RPRD1A: variants seen among roughly 807,000 people sequenced by gnomAD.
RPRD1A encodes the protein regulation of nuclear pre-mRNA domain containing 1A, also known as regulation of nuclear pre-mRNA domain-containing protein 1A.
RPRD1A carries 9 observed loss-of-function variants against 37.8 expected under a neutral mutation model. The ratio of observed to expected loss-of-function variants is 0.24; its 90% confidence interval spans 0.14 to 0.42. The LOEUF (loss-of-function observed/expected upper bound fraction) is 0.42, where lower values mean the gene tolerates loss of function less well. Ranked by LOEUF, RPRD1A falls within the 10% of genes least tolerant of loss-of-function variation. The pLI is 1.00. For missense variants in RPRD1A, 255 were observed against 371.0 expected, an observed-to-expected ratio of 0.69 and a Z score of 2.57; for synonymous variants, 138 against 139.7, an observed-to-expected ratio of 0.99 and a Z score of 0.08.
chr18:36,010,601 AAAATCT>A (rs1469924060), intron 6 of RPRD1A, among the ~76,000 whole-genome samples: 8 of 152,214 alleles, frequency 5.3e-5, no homozygotes, highest in African/African-American at 1.9e-4. Context: ...AAAGAGAGTG[AAAATCT>A]AAATCAGGCA....
chr18:36,060,135 G>T (rs924222183), intron 1 of RPRD1A, among the ~76,000 whole-genome samples: 20 of 152,246 alleles, frequency 1.3e-4, no homozygotes, highest in Non-Finnish European at 5.9e-5. Context: ...TAAAGCAAAT[G>T]AAAAATGTTC....
At chr18:36,045,740 G>T (rs1912909074) in intron 1 of RPRD1A, among the ~76,000 whole-genome samples, 1 of 152,212 alleles carries the variant, frequency 6.6e-6, no homozygotes, top group African/African-American at 2.4e-5. Context: ...GTCTCCTAAT[G>T]TGATGCAACA....
chr18:36,037,691 G>C (rs1489448909), intron 1 of RPRD1A, among the ~76,000 whole-genome samples: 1 of 152,202 alleles, frequency 6.6e-6, no homozygotes, highest in African/African-American at 2.4e-5. Context: ...GGGAAAGTTT[G>C]GAACTCCCTA....
chr18:36,000,764 A>G (rs1292929529), intron 6 of RPRD1A, among the ~76,000 whole-genome samples: 4 of 152,310 alleles, frequency 2.6e-5, no homozygotes, highest in Non-Finnish European at 2.9e-5. Flanking sequence ...ACCACATTTA[A>G]CCATTAAGAA....
At chr18:35,999,515 CCT>C (rs1175079069) in intron 6 of RPRD1A, among the ~76,000 whole-genome samples, 2 of 151,984 alleles carry the variant, frequency 1.3e-5, no homozygotes, top group Non-Finnish European at 2.9e-5. Flanking sequence ...TAGGGCTGAC[CCT>C]GTTATGTTCT....
chr18:35,997,854 A>C (rs1383247167), intron 6 of RPRD1A, among the ~76,000 whole-genome samples: 2 of 152,206 alleles, frequency 1.3e-5, no homozygotes, highest in Non-Finnish European at 2.9e-5. Flanking sequence ...AATTTTCCTC[A>C]TACCACCTCT....
intron 1 of RPRD1A, among the ~76,000 whole-genome samples, chr18:36,048,577 A>C (rs1913131790): frequency 6.6e-6 from 1 of 152,012 alleles, no homozygotes; most frequent in Admixed American, 6.6e-5. Flanking sequence ...AAATTCAACA[A>C]TCATTCATGA....
intron 6 of RPRD1A, among the ~76,000 whole-genome samples, chr18:36,017,226 G>A (rs1910650347): frequency 6.6e-6 from 1 of 152,076 alleles, no homozygotes; most frequent in Non-Finnish European, 1.5e-5. Flanking sequence ...CCTGAGCCCT[G>A]GGAGGTCGAG....
chr18:36,030,726 C>A (rs1008041454), intron 4 of RPRD1A, 82 bp downstream of exon 4: 4 of 792,860 alleles, frequency 5.0e-6, no homozygotes, highest in Non-Finnish European at 8.3e-6. Context: ...AATCAATTTA[C>A]AGAAGTGAAA....
intron 6 of RPRD1A, among the ~76,000 whole-genome samples, chr18:36,006,684 C>A (rs1371943238): frequency 6.6e-6 from 1 of 152,186 alleles, no homozygotes; most frequent in Non-Finnish European, 1.5e-5. Flanking sequence ...CATCCCCCAG[C>A]CCAATTATGA....
rs904901890 is a variant in RPRD1A at position 35,993,405 on chromosome 18, T to C, written c.790-105A>G. 11 of 1,104,050 alleles carry C rather than the reference T, an allele frequency of 1.0e-5. No individual in the cohort carries two copies. The East Asian group carries it at 2.9e-4, about 30-fold the overall frequency. The allele number at this position is 1,104,050 out of a possible 1,614,324, so 68.4% of individuals were successfully genotyped here. A position where few individuals can be genotyped will look rare whatever the true frequency, so the allele number is the denominator to read the frequency against. On this transcript the variant is annotated intron_variant, in intron 6 of 6. Transcript: ENST00000399022. ...TACTATATATACTCAGTTAATGCCATATTTAAAAAGGTTATTCCAGTGTGA... is the reference window on the plus strand; with the variant it reads ...TACTATATATACTCAGTTAATGCCACATTTAAAAAGGTTATTCCAGTGTGA...
chr18:36,064,914 G>A (rs2088996034), intron 1 of RPRD1A, among the ~76,000 whole-genome samples: 1 of 150,106 alleles, frequency 6.7e-6, no homozygotes. Context: ...AATCCACCGA[G>A]AGGGACCAAC....
At chr18:36,024,268 T>G (rs1433078558) in intron 6 of RPRD1A, among the ~76,000 whole-genome samples, 1 of 151,566 alleles carries the variant, frequency 6.6e-6, no homozygotes, top group African/African-American at 2.4e-5. Context: ...TGCCTCAGCC[T>G]CCCAAGTAGC....
In RPRD1A at chr18:36,047,481, A is replaced by G. The variant is rs1025990402; in HGVS notation, c.152-13644T>C. On this transcript the variant is annotated intron_variant, in intron 1 of 6. Coordinates refer to ENST00000399022, the MANE Select transcript of RPRD1A (RefSeq NM_018170.5). ...AAAGGAATGAAATAATAAAGGTTAG[A>G]GCAGAGACCAATGAAAACAAAAACA... 3.3e-4 allele frequency among the ~76,000 whole-genome samples: 50 copies of G among 152,086 alleles called. 1 individual carries two copies. The highest frequency in any genetic ancestry group is 2.9e-5 in the Non-Finnish European group (2 of 68,014).
chr18:36,019,227 T>C (rs1223853283), intron 6 of RPRD1A, among the ~76,000 whole-genome samples: 1 of 151,158 alleles, frequency 6.6e-6, no homozygotes, highest in Non-Finnish European at 1.5e-5. Flanking sequence ...CCTGCCTCAG[T>C]CTCCCGAGCA....
chr18:36,050,287 G>C lies in RPRD1A; in HGVS notation c.152-16450C>G, dbSNP rs577748603. Among the ~76,000 whole-genome samples the C allele has an allele frequency of 4.0e-5, 6 of 151,696 alleles. No individual in the cohort carries two copies. In the South Asian group the frequency reaches 1.3e-3, roughly 32 times the overall value. ...GGGTCTCACTCTGTCACCCAGGCGGGAGTGCAGTGGCACAGTCATGGCTCA... is the reference window on the plus strand; with the variant it reads ...GGGTCTCACTCTGTCACCCAGGCGGCAGTGCAGTGGCACAGTCATGGCTCA... On this transcript the variant is annotated intron_variant, in intron 1 of 6. Transcript: ENST00000399022.
intron 1 of RPRD1A, among the ~76,000 whole-genome samples, chr18:36,065,079 C>T (rs2089001002): frequency 6.6e-6 from 1 of 152,112 alleles, no homozygotes; most frequent in Non-Finnish European, 1.5e-5. Flanking sequence ...AATGAACAAA[C>T]TCCGGACACA....
chr18:36,025,507 C>A, intron 6 of RPRD1A: 1 of 571,488 alleles, frequency 1.7e-6, no homozygotes, highest in Non-Finnish European at 2.7e-6. Flanking sequence ...TAAACAGTGA[C>A]AAATGACCAT....
At chr18:36,048,581 T>C (rs558106488) in intron 1 of RPRD1A, among the ~76,000 whole-genome samples, 2 of 151,478 alleles carry the variant, frequency 1.3e-5, no homozygotes, top group African/African-American at 4.8e-5. Flanking sequence ...TCAACAATCA[T>C]TCATGATAAA....
Sources: allele counts gnomAD v4.1 joint callset (sites outside exome capture counted in the v4.1 genomes callset), GRCh38; gene constraint gnomAD v4.1.1; transcripts MANE v1.5; gene names NCBI Gene and HGNC (gene_info 2026-07-23, HGNC 2026-07-21).